EPB41L4B: variants seen among roughly 807,000 people sequenced by gnomAD.
EPB41L4B encodes band 4.1-like protein 4B.
A neutral mutation model predicts 112.5 loss-of-function variants in EPB41L4B; 30 were observed. The ratio of observed to expected loss-of-function variants is 0.27; its 90% CI spans 0.20 to 0.36. The LOEUF is 0.36. EPB41L4B is among the 10% of genes least tolerant of loss of function. The probability of loss-of-function intolerance (pLI) is 1.00; values close to 1 mark genes in which losing one functional copy is unlikely to be tolerated. For missense variants in EPB41L4B, 1,024 were observed against 1,133.3 expected (o/e 0.90, Z 1.38); for synonymous variants, 408 against 439.7 (o/e 0.93, Z 0.90).
Position 109,182,789 on chromosome 9 carries a change from T to A in EPB41L4B, c.2427A>T (p.Thr809=). ...YPPIKTRLIK[T]FPVDTMNPFP... ...ACGGGTTCATTGTATCAACCGGGAA[T>A]GTTTTTATCTTCAAAAGAGAGAAAG... The change falls in exon 24 of 26, where the codon ACA becomes ACT. Residue 809 remains threonine, a synonymous_variant. Coordinates refer to ENST00000374566, the MANE Select transcript of EPB41L4B (RefSeq NM_019114.5). The A allele has an allele frequency of 6.2e-7, 1 of 1,611,004 alleles. No individual in the cohort carries two copies. Among genetic ancestry groups the A allele is most frequent in the East Asian group, 2.2e-5 (1 of 44,874 alleles).
chr9:109,302,916 T>C (rs2119226952), intron 1 of EPB41L4B, among the ~76,000 whole-genome samples: 1 of 151,750 alleles, frequency 6.6e-6, no homozygotes, highest in Middle Eastern at 3.4e-3. Context: ...TTACATTTTA[T>C]CACAATTAAA....
intron 6 of EPB41L4B, among the ~76,000 whole-genome samples, chr9:109,262,270 T>C (rs72746906): frequency 0.018 from 2,718 of 152,294 alleles, 35 homozygotes; most frequent in Non-Finnish European, 0.029. Flanking sequence ...CTGGAGCTTC[T>C]AGAACCTCTT....
In EPB41L4B at chr9:109,320,412, C is replaced by T. The variant is rs1360779247; in HGVS notation, c.35G>A (p.Arg12His). The T allele has an allele frequency of 2.0e-6, 2 of 989,834 alleles. No individual in the cohort carries two copies. The highest frequency in any genetic ancestry group is 3.5e-5 in the African/African-American group (2 of 56,738). 61.3% of individuals were successfully genotyped at this position (989,834 alleles called of 1,614,324 possible). A position where few individuals can be genotyped will look rare whatever the true frequency, so the allele number is the denominator to read the frequency against. ...LRFLRRTFGR[R>H]SMQRYARGAA... ...GCCCCGCGCGTAGCGCTGCATGGAGCGGCGGCCAAAGGTCCGGCGCAGGAA... is the reference window on the plus strand; with the variant it reads ...GCCCCGCGCGTAGCGCTGCATGGAGTGGCGGCCAAAGGTCCGGCGCAGGAA... Residue 12 changes from arginine (R) to histidine (H), a missense_variant, in exon 1 of 26, where the codon CGC (arginine) becomes CAC (histidine). Physicochemically the swap from Arg to His is conservative, Grantham distance 29 (BLOSUM62 0). Transcript: ENST00000374566.
At chr9:109,251,953 C>T (rs1834804453) in intron 12 of EPB41L4B, among the ~76,000 whole-genome samples, 1 of 152,218 alleles carries the variant, frequency 6.6e-6, no homozygotes, top group Non-Finnish European at 1.5e-5. Context: ...AGCTTAGCCG[C>T]TTACACTCCA....
At chr9:109,309,740 TA>T (rs1035623809) in intron 1 of EPB41L4B, among the ~76,000 whole-genome samples, 1 of 145,840 alleles carries the variant, frequency 6.9e-6, no homozygotes, top group Non-Finnish European at 1.5e-5. Flanking sequence ...TCTCTATTAT[TA>T]AGAAATACAC....
chr9:109,186,409 A>T (rs928048881), intron 22 of EPB41L4B, among the ~76,000 whole-genome samples: 23 of 150,048 alleles, frequency 1.5e-4, no homozygotes, highest in African/African-American at 5.7e-4. Flanking sequence ...CTGGTCTCAA[A>T]CTCCTGACCT....
chr9:109,229,946 G>T (rs1370526255), intron 15 of EPB41L4B, among the ~76,000 whole-genome samples: 1 of 152,100 alleles, frequency 6.6e-6, no homozygotes, highest in Non-Finnish European at 1.5e-5. Flanking sequence ...CATTCGCCCG[G>T]AACTGTGGCT....
At chr9:109,318,641 C>T (rs1300611660) in intron 1 of EPB41L4B, among the ~76,000 whole-genome samples, 1 of 152,138 alleles carries the variant, frequency 6.6e-6, no homozygotes, top group Non-Finnish European at 1.5e-5. Flanking sequence ...CCCCTCTCCT[C>T]CTCCCCGGCT....
chr9:109,257,665 A>G (rs1272836106), intron 7 of EPB41L4B, among the ~76,000 whole-genome samples: 1 of 152,082 alleles, frequency 6.6e-6, no homozygotes, highest in Non-Finnish European at 1.5e-5. Flanking sequence ...GCAGAGAGAG[A>G]AAAGGAGTGT....
chr9:109,200,555 A>G (rs748827533), intron 19 of EPB41L4B, among the ~76,000 whole-genome samples: 20 of 152,180 alleles, frequency 1.3e-4, no homozygotes, highest in Admixed American at 3.9e-4. Context: ...GGAAGAAAAT[A>G]TAGCAAATGG....
At chr9:109,226,006 T>A (rs1476308278) in intron 15 of EPB41L4B, among the ~76,000 whole-genome samples, 1 of 152,182 alleles carries the variant, frequency 6.6e-6, no homozygotes, top group Non-Finnish European at 1.5e-5. Context: ...AGTCCTAACT[T>A]TTTCTGAAAT....
intron 2 of EPB41L4B, among the ~76,000 whole-genome samples, chr9:109,273,401 C>G (rs965720461): frequency 1.2e-4 from 19 of 152,152 alleles, no homozygotes; most frequent in Non-Finnish European, 2.6e-4. Flanking sequence ...CATGTGCCAC[C>G]ACGCCTGGCT....
At chr9:109,249,633 A>C (rs1038183793) in intron 13 of EPB41L4B, among the ~76,000 whole-genome samples, 29 of 152,186 alleles carry the variant, frequency 1.9e-4, no homozygotes, top group South Asian at 4.1e-4. Context: ...CAAAGTAAAG[A>C]AATTGGGGCT....
chr9:109,255,547 G>A lies in EPB41L4B; in HGVS notation c.1133C>T (p.Ser378Phe). Residue 378 changes from serine (S) to phenylalanine (F), a missense_variant, in exon 11 of 26, where the codon TCC becomes TTC. By Grantham distance (155) the Ser-to-Phe change is radical. Coordinates refer to ENST00000374566, the MANE Select transcript of EPB41L4B (RefSeq NM_019114.5). Reference protein sequence around the residue: ...RTPGNSKSNRSDFIRLGSRFR... With the variant: ...RTPGNSKSNRFDFIRLGSRFR... ...GCGAGAGCCCAGCCTGATAAAGTCG[G>A]ATCTATTGGATTTGCTGTTTCCTGG... The A allele has an allele frequency of 6.2e-7, 1 of 1,614,206 alleles. No individual in the cohort carries two copies.
intron 13 of EPB41L4B, among the ~76,000 whole-genome samples, chr9:109,251,253 C>T (rs570429600): frequency 2.2e-4 from 33 of 152,332 alleles, no homozygotes; most frequent in African/African-American, 6.7e-4. Context: ...CACACAGCTA[C>T]TCAAACAAAG....
intron 15 of EPB41L4B, chr9:109,241,687 C>T (rs757490695): frequency 1.5e-5 from 25 of 1,614,080 alleles, no homozygotes; most frequent in East Asian, 2.2e-5. Flanking sequence ...GAGTTTATCT[C>T]GATACATCAT....
chr9:109,208,112 T>C, intron 17 of EPB41L4B, 63 bp from the exon 18 acceptor site: 1 of 1,600,416 alleles, frequency 6.2e-7, no homozygotes, highest in Non-Finnish European at 8.5e-7. Context: ...TGCATTAACT[T>C]TTCCCAATAA....
chr9:109,208,183 T>G, intron 17 of EPB41L4B, 134 bp from the exon 18 acceptor site: 1 of 1,040,458 alleles, frequency 9.6e-7, no homozygotes, highest in Non-Finnish European at 1.4e-6. Context: ...ACTCCTTATA[T>G]TTTTATCTGT....
At chr9:109,306,525 A>G (rs1400981805) in intron 1 of EPB41L4B, among the ~76,000 whole-genome samples, 1 of 152,202 alleles carries the variant, frequency 6.6e-6, no homozygotes, top group Non-Finnish European at 1.5e-5. Flanking sequence ...AGGCAGGAGG[A>G]TAGCTTGAAC....
Sources: allele counts gnomAD v4.1 joint callset (sites outside exome capture counted in the v4.1 genomes callset), GRCh38; gene constraint gnomAD v4.1.1; transcripts MANE v1.5; gene names NCBI Gene and HGNC (gene_info 2026-07-23, HGNC 2026-07-21).